Variants in CPNE8 observed in about 807,000 individuals in gnomAD.
CPNE8 encodes the protein copine-8.
A neutral mutation model predicts 81.5 loss-of-function variants in CPNE8; 45 were observed. The observed-to-expected ratio is 0.55, with a 90% CI of 0.44 to 0.71. The LOEUF is 0.71. Among genes scored for constraint, CPNE8 ranks in the 30% least tolerant of loss-of-function variants. The pLI is 0.00. For synonymous variants in CPNE8, 252 were observed against 226.3 expected (o/e 1.11, Z -1.02); for missense variants, 594 against 672.1 (o/e 0.88, Z 1.28).
chr12:38,697,491 GTT>G (rs1939826165), intron 14 of CPNE8, among the ~76,000 whole-genome samples: 2 of 152,078 alleles, frequency 1.3e-5, no homozygotes, highest in Admixed American at 1.3e-4. Context: ...GCTGACATAT[GTT>G]TTTAAGTCTC....
At chr12:38,799,480 G>A (rs1160328358) in intron 6 of CPNE8, among the ~76,000 whole-genome samples, 1 of 152,118 alleles carries the variant, frequency 6.6e-6, no homozygotes, top group African/African-American at 2.4e-5. Context: ...CAGAAAAAAA[G>A]ATATTCTTTT....
At chr12:38,795,983 C>T (rs567309437) in intron 6 of CPNE8, among the ~76,000 whole-genome samples, 2 of 152,136 alleles carry the variant, frequency 1.3e-5, no homozygotes, top group Admixed American at 1.3e-4. Context: ...GAACTCAGGC[C>T]AGGAACGGTG....
chr12:38,821,766 C>CAT (rs1230874538), intron 6 of CPNE8, among the ~76,000 whole-genome samples: 1 of 152,188 alleles, frequency 6.6e-6, no homozygotes, highest in African/African-American at 2.4e-5. Flanking sequence ...TGCAGATACA[C>CAT]ATAATCTGCC....
chr12:38,772,162 T>A (rs1390593624), intron 7 of CPNE8, among the ~76,000 whole-genome samples: 2 of 152,166 alleles, frequency 1.3e-5, no homozygotes, highest in Non-Finnish European at 2.9e-5. Flanking sequence ...CTGCTTCCAC[T>A]TTCACTTTCT....
intron 3 of CPNE8, among the ~76,000 whole-genome samples, chr12:38,859,633 G>C (rs548524416): frequency 1.3e-5 from 2 of 152,062 alleles, no homozygotes; most frequent in South Asian, 4.1e-4. Flanking sequence ...TCTTGAAAAA[G>C]AACAAAGCTC....
At chr12:38,868,079 T>C (rs1307172073) in intron 3 of CPNE8, among the ~76,000 whole-genome samples, 3 of 152,142 alleles carry the variant, frequency 2.0e-5, no homozygotes, top group African/African-American at 4.8e-5. Context: ...CATAAATTCA[T>C]ATGGCTTGTT....
At position 38,816,002 on chromosome 12, in the gene CPNE8, C is replaced by T. The variant is rs189319400; in HGVS notation, c.407+13377G>A. 3.6e-3 allele frequency among the ~76,000 whole-genome samples: 547 copies of T among 152,246 alleles called. 2 individuals are homozygous for T. The highest frequency in any genetic ancestry group is 0.013 in the African/African-American group (524 of 41,564). ...AAATGTTTCAAGAAATTGTTGTGCT[C>T]TGATAACTTAGGTCTATCTATCTAT... On this transcript the variant is annotated intron_variant, in intron 6 of 19. Coordinates refer to ENST00000331366, the MANE Select transcript of CPNE8 (RefSeq NM_153634.3).
At chr12:38,679,465 A>G (rs1390516347) in intron 16 of CPNE8, 1 of 421,542 alleles carries the variant, frequency 2.4e-6, no homozygotes, top group East Asian at 1.6e-4. Context: ...ACATGCTTGT[A>G]TTAATATTTT....
intron 10 of CPNE8, among the ~76,000 whole-genome samples, chr12:38,747,989 G>A (rs902280221): frequency 6.6e-6 from 1 of 151,852 alleles, no homozygotes; most frequent in Non-Finnish European, 1.5e-5. Flanking sequence ...TTCCTAGAAA[G>A]CAATACTATT....
chr12:38,877,250 AGATGC>A (rs1202811747), intron 1 of CPNE8, among the ~76,000 whole-genome samples: 2 of 152,232 alleles, frequency 1.3e-5, no homozygotes, highest in Non-Finnish European at 2.9e-5. Flanking sequence ...GTATAAAGAG[AGATGC>A]TGCTTATAGA....
chr12:38,905,538 G>T lies in CPNE8; in HGVS notation c.-4C>A. The T allele has an allele frequency of 6.4e-7, 1 of 1,557,868 alleles. No homozygotes were observed. Among genetic ancestry groups the T allele is most frequent in the Non-Finnish European group, 8.7e-7 (1 of 1,151,534 alleles). Reference sequence around the variant, plus strand: ...TGCTGTTGTAGCGGCTGTCCATATTGGGAGGAGGCGCCTTGGACTTGTCCG... The same window carrying T: ...TGCTGTTGTAGCGGCTGTCCATATTTGGAGGAGGCGCCTTGGACTTGTCCG... On this transcript the variant is annotated 5_prime_UTR_variant, in exon 1 of 20. Transcript: ENST00000331366.
At chr12:38,773,299 G>T (rs571381065) in intron 7 of CPNE8, among the ~76,000 whole-genome samples, 2 of 152,184 alleles carry the variant, frequency 1.3e-5, no homozygotes, top group East Asian at 3.9e-4. Flanking sequence ...TGCTGAAAGG[G>T]TAAATCTTAT....
chr12:38,824,307 A>C (rs987615849), intron 6 of CPNE8, among the ~76,000 whole-genome samples: 1 of 152,174 alleles, frequency 6.6e-6, no homozygotes, highest in African/African-American at 2.4e-5. Context: ...TCAAATTCTC[A>C]TTATAGAATG....
intron 11 of CPNE8, among the ~76,000 whole-genome samples, chr12:38,729,798 C>T (rs1310773043): frequency 6.6e-6 from 1 of 152,028 alleles, no homozygotes; most frequent in Non-Finnish European, 1.5e-5. Context: ...GCAGAAATAA[C>T]TACAATGTGT....
chr12:38,838,968 A>AT (rs1439581905), intron 5 of CPNE8, among the ~76,000 whole-genome samples: 1 of 152,074 alleles, frequency 6.6e-6, no homozygotes, highest in East Asian at 1.9e-4. Flanking sequence ...TCACATGCCC[A>AT]TCTATTCTAG....
chr12:38,676,812 G>A (rs1939300305), intron 17 of CPNE8, among the ~76,000 whole-genome samples: 1 of 152,138 alleles, frequency 6.6e-6, no homozygotes, highest in Admixed American at 6.6e-5. Flanking sequence ...AGGGCATCAT[G>A]TCTTCTTAGT....
intron 1 of CPNE8, among the ~76,000 whole-genome samples, chr12:38,889,986 C>T (rs555036269): frequency 1.3e-5 from 2 of 152,242 alleles, no homozygotes; most frequent in African/African-American, 4.8e-5. Context: ...TTTGATGGTG[C>T]CTCTTGTTGA....
At chr12:38,684,321 G>C (rs1336666661) in intron 16 of CPNE8, among the ~76,000 whole-genome samples, 1 of 152,060 alleles carries the variant, frequency 6.6e-6, no homozygotes, top group Admixed American at 6.6e-5. Flanking sequence ...AAGAGAAATA[G>C]AGAAGAACAG....
intron 15 of CPNE8, 94 bp from the exon 16 acceptor site, chr12:38,685,711 G>C (rs1260531515): frequency 2.4e-5 from 30 of 1,276,290 alleles, no homozygotes; most frequent in Non-Finnish European, 3.1e-5. Context: ...AATACACGTT[G>C]ACACTCATAT....
Sources: gnomAD v4.1 joint callset for allele counts (sites outside exome capture counted in the v4.1 genomes callset) on GRCh38, gnomAD v4.1.1 for gene constraint, MANE v1.5 for transcripts, NCBI Gene and HGNC (gene_info 2026-07-23, HGNC 2026-07-21) for gene names.